Variants in TDRD7 observed in about 807,000 individuals in gnomAD.
The protein encoded by TDRD7 is tudor domain-containing protein 7.
A neutral mutation model predicts 109.8 loss-of-function variants in TDRD7; 47 were observed. That is an observed-to-expected ratio of 0.43 (90% CI 0.34 to 0.55). The LOEUF is 0.55. Among genes scored for constraint, TDRD7 ranks in the 20% least tolerant of loss-of-function variants. The pLI, the probability that TDRD7 is intolerant of heterozygous loss-of-function variation, is 0.03. For synonymous variants in TDRD7, 424 were observed against 457.3 expected, an observed-to-expected ratio of 0.93 and a Z score of 0.93; for missense variants, 1,164 against 1,319.2, an observed-to-expected ratio of 0.88 and a Z score of 1.82.
intron 2 of TDRD7, among the ~76,000 whole-genome samples, chr9:97,430,221 A>G (rs1055851785): frequency 1.3e-5 from 2 of 152,178 alleles, no homozygotes; most frequent in Admixed American, 6.5e-5. Flanking sequence ...TTCTTTAAAG[A>G]TACAGAGCTG....
At chr9:97,481,992 G>T (rs1489196392) in intron 14 of TDRD7, among the ~76,000 whole-genome samples, 12 of 152,068 alleles carry the variant, frequency 7.9e-5, no homozygotes, top group Non-Finnish European at 2.9e-5. Context: ...GCCCTATTTG[G>T]TAAAAGATAA....
At chr9:97,461,317 G>A (rs986331606) in intron 7 of TDRD7, among the ~76,000 whole-genome samples, 3 of 152,018 alleles carry the variant, frequency 2.0e-5, no homozygotes, top group Non-Finnish European at 2.9e-5. Context: ...AAGCTTGTTG[G>A]TAACTATATT....
intron 6 of TDRD7, among the ~76,000 whole-genome samples, chr9:97,456,319 A>C (rs1467074152): frequency 6.6e-6 from 1 of 152,230 alleles, no homozygotes; most frequent in Non-Finnish European, 1.5e-5. Context: ...AATTAGAAAA[A>C]ACTATGTTAA....
At chr9:97,487,044 TA>T in intron 15 of TDRD7, 127 bp from the exon 16 acceptor site, 1 of 1,087,848 alleles carries the variant, frequency 9.2e-7, no homozygotes. Context: ...TTTTTGAAAA[TA>T]TAGTTTTAAA....
chr9:97,493,354 G>A (rs553107779), intron 16 of TDRD7, among the ~76,000 whole-genome samples: 9 of 152,218 alleles, frequency 5.9e-5, no homozygotes, highest in Admixed American at 2.6e-4. Flanking sequence ...TCACATGTCC[G>A]CAAGTTCCGT....
chr9:97,490,241 G>A (rs549771235), intron 16 of TDRD7, among the ~76,000 whole-genome samples: 32 of 151,994 alleles, frequency 2.1e-4, no homozygotes, highest in South Asian at 2.1e-3. Flanking sequence ...TTCTTCCAAG[G>A]CAGGTGTGCT....
At chr9:97,473,866 C>T (rs543011809) in intron 11 of TDRD7, among the ~76,000 whole-genome samples, 28 of 152,262 alleles carry the variant, frequency 1.8e-4, no homozygotes, top group African/African-American at 6.7e-4. Flanking sequence ...ATAGGATTGT[C>T]CTGAGGACAC....
intron 6 of TDRD7, among the ~76,000 whole-genome samples, chr9:97,454,011 T>C (rs902255214): frequency 6.6e-5 from 10 of 152,142 alleles, no homozygotes. Context: ...AACAATGATA[T>C]TCAGGACTTG....
In TDRD7 at chr9:97,412,266, C is replaced by T. The variant is rs909352459; in HGVS notation, c.-7+28C>T. 6.6e-6 allele frequency: 1 copy of T among 152,384 alleles called. No individual in the cohort carries two copies. The highest frequency in any genetic ancestry group is 1.5e-5 in the Non-Finnish European group (1 of 68,140). 9.4% of individuals were successfully genotyped at this position (152,384 alleles called of 1,614,324 possible). ...GAGTGCAGGTCCTGCGGGCTCCGGG[C>T]GCGACAGGTGCCGGGCGACGTCGGA... On this transcript the variant is annotated intron_variant, in intron 1 of 16. Coordinates refer to ENST00000355295, the MANE Select transcript of TDRD7 (RefSeq NM_014290.3). The surrounding 1 kb of genome is among the most constrained non-coding windows in gnomAD (Gnocchi z 4.3).
chr9:97,419,408 A>G (rs1387536287), intron 1 of TDRD7, among the ~76,000 whole-genome samples: 1 of 152,256 alleles, frequency 6.6e-6, no homozygotes, highest in East Asian at 1.9e-4. Flanking sequence ...ATAACTGTAT[A>G]GTAGTTCAGT....
intron 6 of TDRD7, among the ~76,000 whole-genome samples, chr9:97,457,531 A>C (rs551879266): frequency 6.6e-6 from 1 of 152,228 alleles, no homozygotes; most frequent in Non-Finnish European, 1.5e-5. Context: ...GGCACCTGCC[A>C]CCACACCCAG....
At chr9:97,479,257 T>C (rs1829075214) in intron 13 of TDRD7, among the ~76,000 whole-genome samples, 1 of 152,252 alleles carries the variant, frequency 6.6e-6, no homozygotes, top group Non-Finnish European at 1.5e-5. Flanking sequence ...AGCATGGCTT[T>C]TGACATGTCT....
At chr9:97,431,515 G>A (rs988309050) in intron 3 of TDRD7, among the ~76,000 whole-genome samples, 14 of 152,078 alleles carry the variant, frequency 9.2e-5, no homozygotes, top group African/African-American at 2.9e-4. Context: ...TTTGTTTACC[G>A]AACACTTATC....
In TDRD7 at chr9:97,428,442, T is replaced by C. The variant is rs753636152; in HGVS notation, c.-6-18T>C. ...CGAATGAGCCATATTATAGTAACCT[T>C]CTACTGTGTTCTTATAGGCAAAGAT... On this transcript the variant is annotated intron_variant, in intron 1 of 16. Transcript: ENST00000355295. 1.1e-5 allele frequency: 18 copies of C among 1,610,518 alleles called. No individual in the cohort carries two copies. The highest frequency in any genetic ancestry group is 1.3e-5 in the African/African-American group (1 of 74,844).
chr9:97,414,808 G>A (rs573503463), intron 1 of TDRD7, among the ~76,000 whole-genome samples: 1 of 152,174 alleles, frequency 6.6e-6, no homozygotes, highest in Non-Finnish European at 1.5e-5. Flanking sequence ...AGTGGTAACA[G>A]ACTATGATTA....
At chr9:97,445,506 G>A (rs1828385108) in intron 6 of TDRD7, among the ~76,000 whole-genome samples, 1 of 152,196 alleles carries the variant, frequency 6.6e-6, no homozygotes, top group Admixed American at 6.5e-5. Flanking sequence ...TACATAGTCT[G>A]ATGAGTCAAG....
rs758400042 is a variant in TDRD7 at position 97,487,294 on chromosome 9, G to A, written c.3038G>A (p.Arg1013Gln). 1.9e-5 allele frequency: 31 copies of A among 1,613,708 alleles called. No individual in the cohort carries two copies. Among genetic ancestry groups the A allele is most frequent in the East Asian group, 2.2e-5 (1 of 44,884 alleles). Residue 1013 changes from arginine to glutamine, a missense_variant, in exon 16 of 17, where the codon CGA (arginine) becomes CAA (glutamine). Transcript: ENST00000355295. ...RKVQPLVDMF[R>Q]KLPFQAVTAQ... Reference sequence around the variant, plus strand: ...GTACAGCCCCTAGTGGACATGTTCCGAAAGCTGCCCTTCCAAGCAGTCACA... The same window carrying A: ...GTACAGCCCCTAGTGGACATGTTCCAAAAGCTGCCCTTCCAAGCAGTCACA...
chr9:97,432,150 T>A lies in TDRD7; in HGVS notation c.475T>A (p.Ser159Thr). ...TGGAGTTAAGCCTGATGCTGAAATG[T>A]CTCCTTATATGCTACACACAACTCT... is the stretch of plus-strand genomic sequence containing the variant. ...SVGVKPDAEM[S>T]PYMLHTTLGN... Residue 159 changes from serine to threonine, a missense_variant, in exon 4 of 17, where the codon TCT (serine) becomes ACT (threonine). Physicochemically the swap from Ser to Thr is moderately conservative, Grantham distance 58. Around this residue, in one of 5 missense-constraint regions of TDRD7, gnomAD observed 407 missense variants for 394.0 expected, o/e 1.03. Coordinates refer to ENST00000355295, the MANE Select transcript of TDRD7 (RefSeq NM_014290.3). 1 of 1,613,848 alleles carries A rather than the reference T, an allele frequency of 6.2e-7. No homozygotes were observed. The highest frequency in any genetic ancestry group is 1.1e-5 in the South Asian group (1 of 91,082).
In TDRD7 at chr9:97,483,303, A is replaced by G. The variant is rs1257763837; in HGVS notation, c.2867A>G (p.His956Arg). The change falls in exon 15 of 17, where the codon CAC becomes CGC. Residue 956 changes from histidine to arginine, a missense_variant. Physicochemically the swap from His to Arg is conservative, Grantham distance 29. Around this residue, in one of 5 missense-constraint regions of TDRD7, gnomAD observed 162 missense variants for 222.5 expected, o/e 0.73. Transcript: ENST00000355295. The stretch of plus-strand genomic sequence containing the variant: ...TATTACAGCGTGTCTGAAGAGCGCC[A>G]CATAGCAGTGGAGAAAGACCAAGTG... ...ILYYSVSEERHIAVEKDQVYA... is the reference protein window; with the variant it reads ...ILYYSVSEERRIAVEKDQVYA... 6.2e-7 allele frequency: 1 copy of G among 1,614,190 alleles called. No individual in the cohort carries two copies. Among genetic ancestry groups the G allele is most frequent in the Non-Finnish European group, 8.5e-7 (1 of 1,180,028 alleles).
Sources: gnomAD v4.1 joint callset for allele counts (sites outside exome capture counted in the v4.1 genomes callset) on GRCh38, gnomAD v4.1.1 for gene constraint, gnomAD v4.1.1 regional missense constraint, Gnocchi (gnomAD v3.1) non-coding constraint, MANE v1.5 for transcripts, NCBI Gene and HGNC (gene_info 2026-07-23, HGNC 2026-07-21) for gene names.